NUP205: variants seen among roughly 807,000 people sequenced by gnomAD.
The protein encoded by NUP205 is nucleoporin 205.
NUP205 carries 76 observed loss-of-function variants against 253.8 expected under a neutral mutation model. The observed-to-expected ratio is 0.30, with a 90% CI of 0.25 to 0.36. The LOEUF (loss-of-function observed/expected upper bound fraction) is 0.36, where lower values mean the gene tolerates loss of function less well. NUP205 is among the 10% of genes least tolerant of loss of function. The pLI is 1.00. For synonymous variants in NUP205, 832 were observed against 850.1 expected, an observed-to-expected ratio of 0.98 and a Z score of 0.37; for missense variants, 2,162 against 2,425.5, an observed-to-expected ratio of 0.89 and a Z score of 2.28.
intron 22 of NUP205, among the ~76,000 whole-genome samples, chr7:135,611,072 C>T (rs1043553413): frequency 6.8e-6 from 1 of 147,230 alleles, no homozygotes; most frequent in Non-Finnish European, 1.5e-5. Context: ...GTGGTGTGGT[C>T]TCGGCTCACT....
intron 35 of NUP205, among the ~76,000 whole-genome samples, chr7:135,631,009 C>T (rs1794702789): frequency 6.6e-6 from 1 of 151,210 alleles, no homozygotes; most frequent in Non-Finnish European, 1.5e-5. Context: ...AAAATCTCAC[C>T]ACCTAGAAAT....
At chr7:135,634,906 C>T (rs543799729) in intron 35 of NUP205, among the ~76,000 whole-genome samples, 21 of 152,066 alleles carry the variant, frequency 1.4e-4, no homozygotes, top group Non-Finnish European at 2.2e-4. Flanking sequence ...GAAGTGAGTA[C>T]GAAGTGAATT....
Position 135,628,017 on chromosome 7 carries a change from T to C in NUP205, c.4838T>C (p.Val1613Ala), listed in dbSNP as rs1794631750. The stretch of plus-strand genomic sequence containing the variant: ...CCTCCAATGTTCATCCCTACCCCAG[T>C]GGATCGCTACCGCCAGATTCTCCTC... The part of the protein sequence containing the change: ...RDPPMFIPTP[V>A]DRYRQILLPA... Residue 1613 changes from valine (V) to alanine (A), a missense_variant, in exon 34 of 43, where the codon GTG (valine) becomes GCG (alanine). This residue lies in a region of NUP205 where 1,144 missense variants were observed against 1,280.9 expected (regional missense o/e 0.89). Coordinates refer to ENST00000285968, the MANE Select transcript of NUP205 (RefSeq NM_015135.3). The C allele has an allele frequency of 1.9e-6, 3 of 1,612,078 alleles. No homozygotes were observed. Among genetic ancestry groups the C allele is most frequent in the Non-Finnish European group, 2.5e-6 (3 of 1,179,650 alleles).
At chr7:135,587,487 A>T in intron 8 of NUP205, 88 bp from the exon 9 acceptor site, 1 of 588,828 alleles carries the variant, frequency 1.7e-6, no homozygotes, top group Non-Finnish European at 2.8e-6. Flanking sequence ...TCTTGTATGT[A>T]GTCACTTTAA....
chr7:135,558,104 C>T (rs976941917), intron 1 of NUP205, 132 bp downstream of exon 1: 34 of 778,154 alleles, frequency 4.4e-5, no homozygotes, highest in Admixed American at 9.8e-5. Context: ...TAATTCTGGG[C>T]CTAGAGTCCC....
chr7:135,619,352 A>AG (rs1376431339), intron 28 of NUP205, 71 bp from the exon 29 acceptor site: 146 of 1,504,338 alleles, frequency 9.7e-5, no homozygotes, highest in Non-Finnish European at 1.2e-4. Flanking sequence ...CAAAAAAAAA[A>AG]AGCTATGAAA....
rs759575055 is a variant in NUP205 at position 135,644,964 on chromosome 7, C to T, written c.5629C>T (p.Arg1877Trp). 16 of 1,613,960 alleles carry T rather than the reference C, an allele frequency of 9.9e-6. No homozygotes were observed. Among genetic ancestry groups the T allele is most frequent in the Admixed American group, 3.3e-5 (2 of 60,006 alleles). The stretch of plus-strand genomic sequence containing the variant: ...TGCTCAGAAATATGTTCTAGCAAGA[C>T]GGCGCTTGGTGAAGGTGATCAACAA... Reference protein sequence around the residue: ...STAQKYVLARRRLVKVINNRA... With the variant: ...STAQKYVLARWRLVKVINNRA... Residue 1877 changes from arginine to tryptophan, a missense_variant, in exon 40 of 43, where the codon CGG becomes TGG. This residue lies in a region of NUP205 where 1,144 missense variants were observed against 1,280.9 expected (regional missense o/e 0.89). Transcript: ENST00000285968.
At chr7:135,567,211 T>C (rs1401558249) in intron 1 of NUP205, among the ~76,000 whole-genome samples, 1 of 127,922 alleles carries the variant, frequency 7.8e-6, no homozygotes. Context: ...AAATATTTGA[T>C]AGTGAATGAA....
At position 135,648,442 on chromosome 7, in the gene NUP205, A is replaced by G. The variant is rs1795056171; in HGVS notation, c.5925A>G (p.Leu1975=). The change falls in exon 43 of 43, where the codon CTA becomes CTG. Residue 1975 remains leucine (L), a synonymous_variant. Coordinates refer to ENST00000285968, the MANE Select transcript of NUP205 (RefSeq NM_015135.3). ...CAATCAACGCTTTTGGAGAATCACT[A>G]CAAAAGAAACTTCTGGACATTGAAG... ...ADAINAFGES[L]QKKLLDIEGL... is the part of the protein sequence containing the mutation. The G allele has an allele frequency of 9.4e-6, 15 of 1,603,658 alleles. No homozygotes were observed. Among genetic ancestry groups the G allele is most frequent in the African/African-American group, 1.3e-5 (1 of 74,078 alleles).
intron 15 of NUP205, among the ~76,000 whole-genome samples, chr7:135,599,627 C>A (rs1793922696): frequency 6.6e-6 from 1 of 152,110 alleles, no homozygotes; most frequent in Non-Finnish European, 1.5e-5. Flanking sequence ...TCATTGTGAT[C>A]TGAGTGTTTA....
intron 19 of NUP205, 94 bp from the exon 20 acceptor site, chr7:135,606,051 C>A: frequency 2.4e-6 from 2 of 841,872 alleles, no homozygotes; most frequent in Non-Finnish European, 3.9e-6. Context: ...CCTATTTTTC[C>A]TTATGGATGA....
intron 38 of NUP205, 112 bp downstream of exon 38, chr7:135,638,795 G>A: frequency 9.3e-7 from 1 of 1,073,404 alleles, no homozygotes; most frequent in Non-Finnish European, 1.4e-6. Context: ...TGTCATTAAT[G>A]GGAAACATTT....
rs1037703006 is a variant in NUP205 at position 135,619,994 on chromosome 7, A to G, written c.4330+106A>G. On this transcript the variant is annotated intron_variant, in intron 30 of 42. Coordinates refer to ENST00000285968, the MANE Select transcript of NUP205 (RefSeq NM_015135.3). ...TTTTGACTAATCACAACTGTAAAAA[A>G]TGAGTGTTAGTGTCATTTTTAAAGC... 5.3e-6 allele frequency: 4 copies of G among 752,054 alleles called. No individual in the cohort carries two copies. In the African/African-American group the frequency reaches 7.0e-5, roughly 13 times the overall value. The allele number at this position is 752,054 out of a possible 1,614,324, so 46.6% of individuals were successfully genotyped here. A position where few individuals can be genotyped will look rare whatever the true frequency, so the allele number is the denominator to read the frequency against.
At chr7:135,642,328 G>A (rs1279057214) in intron 38 of NUP205, among the ~76,000 whole-genome samples, 1 of 150,568 alleles carries the variant, frequency 6.6e-6, no homozygotes, top group Non-Finnish European at 1.5e-5. Flanking sequence ...TGCTCTAATT[G>A]CACTACACAG....
At chr7:135,610,095 T>C (rs1277082778) in intron 22 of NUP205, among the ~76,000 whole-genome samples, 2 of 152,232 alleles carry the variant, frequency 1.3e-5, no homozygotes, top group Non-Finnish European at 2.9e-5. Flanking sequence ...TTTTTATTTA[T>C]TCATTTTTAA....
chr7:135,617,257 G>T lies in NUP205; in HGVS notation c.3690+10G>T. ...AGTCTGCAATGTCAAGGTGAGGATT[G>T]CTTTAAAGTACATATCTGCAGTGTC... On this transcript the variant is annotated intron_variant, in intron 26 of 42. Coordinates refer to ENST00000285968, the MANE Select transcript of NUP205 (RefSeq NM_015135.3). The T allele has an allele frequency of 6.2e-7, 1 of 1,611,932 alleles. No homozygotes were observed. The highest frequency in any genetic ancestry group is 1.7e-5 in the Admixed American group (1 of 59,738).
intron 17 of NUP205, among the ~76,000 whole-genome samples, chr7:135,602,597 A>T (rs1793988568): frequency 6.6e-6 from 1 of 152,236 alleles, no homozygotes; most frequent in Non-Finnish European, 1.5e-5. Context: ...GATGACTTGC[A>T]TAGATGAATG....
chr7:135,647,593 C>G (rs547600244), intron 42 of NUP205, among the ~76,000 whole-genome samples: 1 of 152,328 alleles, frequency 6.6e-6, no homozygotes, highest in African/African-American at 2.4e-5. Flanking sequence ...GACCACAGTT[C>G]ACTGCAGCCT....
intron 36 of NUP205, 118 bp downstream of exon 36, chr7:135,635,775 T>G: frequency 1.8e-6 from 1 of 570,818 alleles, no homozygotes; most frequent in Non-Finnish European, 3.2e-6. Context: ...GTTCTTTAGT[T>G]TTTCTAAATA....
Sources: gnomAD v4.1 joint callset for allele counts (sites outside exome capture counted in the v4.1 genomes callset) on GRCh38, gnomAD v4.1.1 for gene constraint, gnomAD v4.1.1 regional missense constraint, MANE v1.5 for transcripts, NCBI Gene and HGNC (gene_info 2026-07-23, HGNC 2026-07-21) for gene names.